DSTYK: variants seen among roughly 807,000 people sequenced by gnomAD.
The protein encoded by DSTYK is RIP-homologous kinase.
Under a neutral mutation model 98.7 loss-of-function variants are expected in DSTYK, and 34 were observed. The ratio of observed to expected loss-of-function variants is 0.34; its 90% confidence interval spans 0.26 to 0.46. The LOEUF (loss-of-function observed/expected upper bound fraction) is 0.46. DSTYK is among the 20% of genes least tolerant of loss of function. The pLI is 1.00. For synonymous variants in DSTYK, 462 were observed against 457.3 expected, an observed-to-expected ratio of 1.01 and a Z score of -0.13; for missense variants, 962 against 1,181.7, an observed-to-expected ratio of 0.81 and a Z score of 2.73.
intron 1 of DSTYK, among the ~76,000 whole-genome samples, chr1:205,209,162 A>G (rs1659290844): frequency 6.6e-6 from 1 of 152,234 alleles, no homozygotes; most frequent in South Asian, 2.1e-4. Flanking sequence ...ACAGCCAACC[A>G]AAGTGCCTTG....
At chr1:205,155,322 G>C (rs1657525921) in intron 10 of DSTYK, among the ~76,000 whole-genome samples, 1 of 151,944 alleles carries the variant, frequency 6.6e-6, no homozygotes, top group Admixed American at 6.6e-5. Context: ...TGAAGAGGAG[G>C]CAGAGCATAA....
In DSTYK at chr1:205,149,741, CCTT is replaced by C. The variant is rs1278259416; in HGVS notation, c.2467+936_2467+938del. On this transcript the variant is annotated intron_variant, in intron 11 of 12. Transcript: ENST00000367162. ...TCCCCTACTCAAAAGCTCAGTAGCT[CCTT>C]AAGTCTTGCACAACAAGCCTTGATT... is the stretch of plus-strand genomic sequence containing the variant. 1.1e-4 allele frequency among the ~76,000 whole-genome samples: 17 copies of C among 152,228 alleles called. No individual in the cohort carries two copies. The East Asian group carries it at 3.3e-3, about 29-fold the overall frequency.
intron 1 of DSTYK, 45 bp downstream of exon 1, chr1:205,211,226 G>T (rs1386301530): frequency 3.2e-6 from 5 of 1,540,756 alleles, no homozygotes; most frequent in East Asian, 4.6e-5. Context: ...TCCGTCCTCC[G>T]ATTTGCCTCT....
chr1:205,207,490 C>A (rs1659238044), intron 1 of DSTYK, among the ~76,000 whole-genome samples: 1 of 151,330 alleles, frequency 6.6e-6, no homozygotes, highest in Admixed American at 6.6e-5. Flanking sequence ...GTGGCTCATG[C>A]CTGTAATCCC....
Position 205,148,045 on chromosome 1 carries a change from G to T in DSTYK, c.2602+160C>A, listed in dbSNP as rs567145748. ...AATAGAGAGTTGACTTGAAGCAAAG[G>T]TTGACTTAAATATCTTTTCTGGATT... is the stretch of plus-strand genomic sequence containing the variant. On this transcript the variant is annotated intron_variant, in intron 12 of 12. Coordinates refer to ENST00000367162, the MANE Select transcript of DSTYK (RefSeq NM_015375.3). Among the ~76,000 whole-genome samples, 5 of 152,306 alleles carry T rather than the reference G, an allele frequency of 3.3e-5. No individual in the cohort carries two copies. The East Asian group carries it at 9.6e-4, about 29-fold the overall frequency.
intron 10 of DSTYK, among the ~76,000 whole-genome samples, chr1:205,154,364 A>T (rs531082109): frequency 1.3e-5 from 2 of 152,172 alleles, no homozygotes; most frequent in Non-Finnish European, 2.9e-5. Context: ...AACTCCCATA[A>T]TCCCCACATG....
At chr1:205,175,582 G>C (rs561323270) in intron 2 of DSTYK, among the ~76,000 whole-genome samples, 2 of 152,184 alleles carry the variant, frequency 1.3e-5, no homozygotes, top group Non-Finnish European at 2.9e-5. Context: ...AATTAGGCTG[G>C]AATGTGATAT....
In DSTYK at chr1:205,169,042, G is replaced by A. The variant is rs1657971522; in HGVS notation, c.1324+121C>T. Reference sequence around the variant, plus strand: ...TAGTGGGCTCCTGCTGGTAACAGTGGGGTGGATGAAGTTACCCTGAGATTC... The same window carrying A: ...TAGTGGGCTCCTGCTGGTAACAGTGAGGTGGATGAAGTTACCCTGAGATTC... On this transcript the variant is annotated intron_variant, in intron 3 of 12. Transcript: ENST00000367162. This position sits in a 1 kb window ranked among gnomAD's most constrained non-coding sequence, Gnocchi z 4.0. The A allele has an allele frequency of 1.2e-6, 1 of 828,934 alleles. No individual in the cohort carries two copies. The highest frequency in any genetic ancestry group is 1.9e-6 in the Non-Finnish European group (1 of 525,688). 51.3% of individuals were successfully genotyped at this position (828,934 alleles called of 1,614,324 possible). A position where few individuals can be genotyped will look rare whatever the true frequency, so the allele number is the denominator to read the frequency against.
At chr1:205,147,874 G>A (rs141638622) in intron 12 of DSTYK, 129 bp from the exon 13 acceptor site, 9,012 of 878,308 alleles carry the variant, frequency 0.01, 75 homozygotes, top group Non-Finnish European at 0.011. Context: ...TTTTGACTTC[G>A]ATTGCAAACA....
At chr1:205,177,731 G>A (rs978295946) in intron 2 of DSTYK, among the ~76,000 whole-genome samples, 5 of 152,014 alleles carry the variant, frequency 3.3e-5, no homozygotes, top group African/African-American at 1.2e-4. Context: ...GCCAGGCATG[G>A]TGGCAGGCAC....
At chr1:205,162,865 A>G (rs1410969710) in intron 5 of DSTYK, 58 bp downstream of exon 5, 2 of 1,296,846 alleles carry the variant, frequency 1.5e-6, no homozygotes, top group Non-Finnish European at 2.2e-6. Flanking sequence ...TGGGGTCACT[A>G]TGATTCATTT....
intron 1 of DSTYK, among the ~76,000 whole-genome samples, chr1:205,193,654 T>A (rs1658777008): frequency 6.6e-6 from 1 of 152,092 alleles, no homozygotes; most frequent in Non-Finnish European, 1.5e-5. Context: ...GTGGATCACT[T>A]GAGGTCAGGA....
In DSTYK at chr1:205,148,296, A is replaced by G. The variant is rs1657303963; in HGVS notation, c.2511T>C (p.Leu837=). 1 of 1,614,174 alleles carries G rather than the reference A, an allele frequency of 6.2e-7. No homozygotes were observed. Among genetic ancestry groups the G allele is most frequent in the East Asian group, 2.2e-5 (1 of 44,878 alleles). ...NSVDVYAFGI[L]FWYICSGSVK... ...CAGAGCCTGAGCAGATATACCAGAA[A>G]AGAATTCCAAAAGCGTAGACATCCA... The change falls in exon 12 of 13, where the codon CTT becomes CTC. Residue 837 remains leucine (L), a synonymous_variant. Transcript: ENST00000367162.
chr1:205,169,931 G>A lies in DSTYK; in HGVS notation c.655-99C>T. The A allele has an allele frequency of 2.6e-6, 3 of 1,156,142 alleles. No individual in the cohort carries two copies. Among genetic ancestry groups the A allele is most frequent in the Non-Finnish European group, 3.6e-6 (3 of 833,190 alleles). The allele number at this position is 1,156,142 out of a possible 1,614,324, so 71.6% of individuals were successfully genotyped here. A position where few individuals can be genotyped will look rare whatever the true frequency, so the allele number is the denominator to read the frequency against. On this transcript the variant is annotated intron_variant, in intron 2 of 12. Coordinates refer to ENST00000367162, the MANE Select transcript of DSTYK (RefSeq NM_015375.3). The surrounding 1 kb of genome is among the most constrained non-coding windows in gnomAD (Gnocchi z 4.0). Reference sequence around the variant, plus strand: ...TGAGACCAAAATCCTGATCTACAATGGAACAATTGGACTTCGGTACCCCAG... The same window carrying A: ...TGAGACCAAAATCCTGATCTACAATAGAACAATTGGACTTCGGTACCCCAG...
At chr1:205,164,044 A>G in intron 3 of DSTYK, 89 bp from the exon 4 acceptor site, 1 of 1,058,948 alleles carries the variant, frequency 9.4e-7, no homozygotes, top group Non-Finnish European at 1.4e-6. Context: ...AGAACCATGG[A>G]ACTACCGTGA....
chr1:205,161,415 T>G (rs760686753), intron 6 of DSTYK, 28 bp from the exon 7 acceptor site: 1 of 1,613,518 alleles, frequency 6.2e-7, no homozygotes, highest in Non-Finnish European at 8.5e-7. Context: ...AAAGTACATA[T>G]GACTTAAGTC....
chr1:205,207,755 CAAAAAAAAAAAAAAAAA>C (rs766036213), intron 1 of DSTYK, among the ~76,000 whole-genome samples: 61 of 52,726 alleles, frequency 1.2e-3, no homozygotes, highest in African/African-American at 3.8e-3. Flanking sequence ...GACTCTGTCT[CAAAAAAAAAAAAAAAAA>C]AAAAAAAAAA....
At position 205,159,920 on chromosome 1, in the gene DSTYK, T is replaced by C. The variant is rs1337499039; in HGVS notation, c.2105+194A>G. The stretch of plus-strand genomic sequence containing the variant: ...TAAAGAAGAAAGTTAAATGGAATGA[T>C]GAGTCTGAGAAATTAGGATGGTGGG... On this transcript the variant is annotated intron_variant, in intron 8 of 12. Transcript: ENST00000367162. 7 of 805,720 alleles carry C rather than the reference T, an allele frequency of 8.7e-6. No homozygotes were observed. In the East Asian group the frequency reaches 1.8e-4, roughly 20 times the overall value. 49.9% of individuals were successfully genotyped at this position (805,720 alleles called of 1,614,324 possible). A position where few individuals can be genotyped will look rare whatever the true frequency, so the allele number is the denominator to read the frequency against.
Position 205,188,023 on chromosome 1 carries a change from C to G in DSTYK, c.266-217G>C, listed in dbSNP as rs545881389. On this transcript the variant is annotated intron_variant, in intron 1 of 12. Transcript: ENST00000367162. ...CAGAATTCCTTTCCCTAGCTCACCC[C>G]CTAGGAACAAACTGTTATTTCTACC... 3.4e-4 allele frequency among the ~76,000 whole-genome samples: 52 copies of G among 152,186 alleles called. 1 individual carries two copies. In the South Asian group the frequency reaches 0.011, roughly 31 times the overall value.
Sources: gnomAD v4.1 joint callset for allele counts (sites outside exome capture counted in the v4.1 genomes callset) on GRCh38, gnomAD v4.1.1 for gene constraint, Gnocchi (gnomAD v3.1) non-coding constraint, MANE v1.5 for transcripts, NCBI Gene and HGNC (gene_info 2026-07-23, HGNC 2026-07-21) for gene names.